Variants in TREH observed in about 807,000 individuals in gnomAD.
TREH encodes the protein alpha,alpha-trehalose glucohydrolase.
In TREH, 69 loss-of-function variants were observed where a neutral mutation model predicts 80.5. The ratio of observed to expected loss-of-function variants is 0.86; its 90% confidence interval spans 0.71 to 1.05. TREH has a LOEUF of 1.05. Ranked by LOEUF, TREH falls within the 50% of genes least tolerant of loss-of-function variation. The pLI is 0.00. For synonymous variants in TREH, 309 were observed against 293.5 expected (o/e 1.05, Z -0.54); for missense variants, 716 against 718.8 (o/e 1.00, Z 0.04).
At chr11:118,675,225 C>G (rs1949466697) in intron 1 of TREH, among the ~76,000 whole-genome samples, 1 of 152,130 alleles carries the variant, frequency 6.6e-6, no homozygotes. Flanking sequence ...TTTTCCCAAC[C>G]CATATGTTTC....
In TREH at chr11:118,661,084, C is replaced by T; in HGVS notation, c.857+76G>A. ...GAGGCCAGGCTAAGTCACTCCTCCT[C>T]CTGCCCGGGGCATTGTGATGCTCTA... On this transcript the variant is annotated intron_variant, in intron 8 of 14. Transcript: ENST00000264029. The surrounding 1 kb of genome is among the most constrained non-coding windows in gnomAD (Gnocchi z 4.2). 5.6e-6 allele frequency: 9 copies of T among 1,602,644 alleles called. No homozygotes were observed. The highest frequency in any genetic ancestry group is 4.5e-5 in the South Asian group (4 of 89,812).
In TREH at chr11:118,659,549, AC is replaced by A. The variant is rs1403942393; in HGVS notation, c.1321-69del. Reference sequence around the variant, plus strand: ...ACTGGGAGCCAGGACAGGACGCTGGACCCCGCGGGAAGCCAGACGTCCCCTT... The same window carrying A: ...ACTGGGAGCCAGGACAGGACGCTGGACCCGCGGGAAGCCAGACGTCCCCTT... On this transcript the variant is annotated intron_variant, in intron 11 of 14. Coordinates refer to ENST00000264029, the MANE Select transcript of TREH (RefSeq NM_007180.3). 2.8e-6 allele frequency: 4 copies of A among 1,430,298 alleles called. No individual in the cohort carries two copies. In the African/African-American group the frequency reaches 4.3e-5, roughly 15 times the overall value. The allele number at this position is 1,430,298 out of a possible 1,614,324, so 88.6% of individuals were successfully genotyped here.
At chr11:118,679,343 A>G (rs1326599568) in intron 1 of TREH, among the ~76,000 whole-genome samples, 196 bp downstream of exon 1, 2 of 151,814 alleles carry the variant, frequency 1.3e-5, no homozygotes, top group Admixed American at 1.3e-4. Context: ...CAACAACAAC[A>G]AAAAAAACGG....
rs1174222222 is a variant in TREH, at chr11:118,659,252, G to A, written c.1432+118C>T. Reference sequence around the variant, plus strand: ...TCAAGTGGAGGCCAGGAGAGCAGAGGAGCGAGAGAAAGGATACGGGGCCTC... The same window carrying A: ...TCAAGTGGAGGCCAGGAGAGCAGAGAAGCGAGAGAAAGGATACGGGGCCTC... On this transcript the variant is annotated intron_variant, in intron 12 of 14. Coordinates refer to ENST00000264029, the MANE Select transcript of TREH (RefSeq NM_007180.3). 153 of 914,774 alleles carry A rather than the reference G, an allele frequency of 1.7e-4. 1 individual carries two copies. Among genetic ancestry groups the A allele is most frequent in the Admixed American group, 2.0e-4 (7 of 34,724 alleles). The allele number at this position is 914,774 out of a possible 1,614,324, so 56.7% of individuals were successfully genotyped here.
At position 118,660,602 on chromosome 11, in the gene TREH, C is replaced by T; in HGVS notation, c.1039G>A (p.Val347Ile). ...SGIRTSKLVP[V>I]DLNAFLCQAE... The stretch of plus-strand genomic sequence containing the variant: ...TGGCATAGGAAGGCATTCAGGTCAA[C>T]AGGCACCAGTTTGCTTGTTCGGATG... Residue 347 changes from valine (V) to isoleucine (I), a missense_variant, in exon 10 of 15, where the codon GTT (valine) becomes ATT (isoleucine). Physicochemically the swap from Val to Ile is conservative, Grantham distance 29 (BLOSUM62 3). Transcript: ENST00000264029. 1 of 1,610,780 alleles carries T rather than the reference C, an allele frequency of 6.2e-7. No individual in the cohort carries two copies. The highest frequency in any genetic ancestry group is 1.1e-5 in the South Asian group (1 of 90,144).
intron 1 of TREH, among the ~76,000 whole-genome samples, chr11:118,672,065 G>A (rs1949434193): frequency 6.6e-6 from 1 of 152,200 alleles, no homozygotes; most frequent in South Asian, 2.1e-4. Flanking sequence ...ATACTGAAGA[G>A]TATACTTCGA....
At chr11:118,678,467 G>A (rs547091665) in intron 1 of TREH, among the ~76,000 whole-genome samples, 76 of 152,008 alleles carry the variant, frequency 5.0e-4, no homozygotes, top group South Asian at 3.6e-3. Context: ...AAGTTCAAGC[G>A]ACTCTCCTGC....
At chr11:118,678,194 C>T (rs1258298233) in intron 1 of TREH, among the ~76,000 whole-genome samples, 1 of 152,142 alleles carries the variant, frequency 6.6e-6, no homozygotes, top group African/African-American at 2.4e-5. Context: ...ACTGTCCTCT[C>T]CCAGATCAGC....
chr11:118,659,238 C>A, intron 12 of TREH, 132 bp downstream of exon 12: 1 of 871,878 alleles, frequency 1.1e-6, no homozygotes, highest in East Asian at 2.7e-5. Context: ...CAAGTGGAGG[C>A]CAGGAGAGCA....
intron 10 of TREH, 22 bp from the exon 11 acceptor site, chr11:118,659,986 AGCCAGCAGCCAGTGCCCT>A: frequency 6.5e-7 from 1 of 1,547,328 alleles, no homozygotes; most frequent in Non-Finnish European, 8.7e-7. Context: ...CTGCCTTTAG[AGCCAGCAGCCAGTGCCCT>A]GCCTGCTGCC....
At chr11:118,668,798 G>T (rs1250834626) in intron 1 of TREH, among the ~76,000 whole-genome samples, 1 of 151,904 alleles carries the variant, frequency 6.6e-6, no homozygotes, top group Non-Finnish European at 1.5e-5. Flanking sequence ...AAATTAGCCA[G>T]GCGTGGTGGT....
intron 13 of TREH, 69 bp from the exon 14 acceptor site, chr11:118,658,802 G>A (rs1949262025): frequency 6.2e-7 from 1 of 1,611,264 alleles, no homozygotes; most frequent in African/African-American, 1.3e-5. Flanking sequence ...AACAACCAGA[G>A]CCCCTGGGGA....
chr11:118,663,773 C>T (rs1404526766), intron 1 of TREH, among the ~76,000 whole-genome samples: 3 of 152,078 alleles, frequency 2.0e-5, no homozygotes, highest in Non-Finnish European at 4.4e-5. Context: ...TGTACAATGG[C>T]CCTGTGTAGA....
rs1555145077 is a variant in TREH, at chr11:118,661,889, C to T, written c.524+1G>A. On this transcript the variant is annotated splice_donor_variant, in intron 5 of 14. Coordinates refer to ENST00000264029, the MANE Select transcript of TREH (RefSeq NM_007180.3). LOFTEE classifies it high-confidence loss of function. This position sits in a 1 kb window ranked among gnomAD's most constrained non-coding sequence, Gnocchi z 4.2. ...TTGGTCTCTTGGGCCTGGGCGCTCACCAGTAGTAGAACTCAACAAAGCGAC... is the reference window on the plus strand; with the variant it reads ...TTGGTCTCTTGGGCCTGGGCGCTCATCAGTAGTAGAACTCAACAAAGCGAC... The T allele has an allele frequency of 5.8e-6, 9 of 1,558,768 alleles. No homozygotes were observed. Among genetic ancestry groups the T allele is most frequent in the Non-Finnish European group, 7.8e-6 (9 of 1,151,164 alleles).
At position 118,679,645 on chromosome 11, in the gene TREH, C is replaced by T. The variant is rs1392215819; in HGVS notation, c.-18G>A. On this transcript the variant is annotated 5_prime_UTR_variant, in exon 1 of 15. Transcript: ENST00000264029. The stretch of plus-strand genomic sequence containing the variant: ...CCTGGCATGGTGGCTGTGACTGTGA[C>T]TGAATGAGCAAGCCCAGGCACCTTC... The T allele has an allele frequency of 1.4e-6, 2 of 1,473,830 alleles. No homozygotes were observed. Among genetic ancestry groups the T allele is most frequent in the East Asian group, 5.1e-5 (2 of 39,304 alleles). The allele number at this position is 1,473,830 out of a possible 1,614,324, so 91.3% of individuals were successfully genotyped here.
In TREH at chr11:118,668,998, T is replaced by G. The variant is rs79098883; in HGVS notation, c.90-5559A>C. Among the ~76,000 whole-genome samples, 83 of 152,010 alleles carry G rather than the reference T, an allele frequency of 5.5e-4. No homozygotes were observed. The East Asian group carries it at 0.016, about 29-fold the overall frequency. On this transcript the variant is annotated intron_variant, in intron 1 of 14. Transcript: ENST00000264029. ...TCCAATTAAATATGGGCAAAAGAACTGAATAGACATTACTCAAAAGCAGAC... is the reference window on the plus strand; with the variant it reads ...TCCAATTAAATATGGGCAAAAGAACGGAATAGACATTACTCAAAAGCAGAC...
chr11:118,659,637 TG>T, intron 11 of TREH, 109 bp downstream of exon 11: 1 of 1,412,054 alleles, frequency 7.1e-7, no homozygotes, highest in Non-Finnish European at 9.6e-7. Flanking sequence ...ACCCGCAGGC[TG>T]GGACAAGGGG....
intron 1 of TREH, among the ~76,000 whole-genome samples, chr11:118,665,625 G>A (rs1229694385): frequency 6.6e-6 from 1 of 152,168 alleles, no homozygotes; most frequent in East Asian, 1.9e-4. Context: ...GGGCAACAGA[G>A]CGAGACTCCG....
intron 12 of TREH, 137 bp downstream of exon 12, chr11:118,659,233 G>A: frequency 1.2e-6 from 1 of 851,656 alleles, no homozygotes; most frequent in Non-Finnish European, 1.8e-6. Flanking sequence ...AGTGTCAAGT[G>A]GAGGCCAGGA....
Sources: gnomAD v4.1 joint callset for allele counts (sites outside exome capture counted in the v4.1 genomes callset) on GRCh38, gnomAD v4.1.1 for gene constraint, Gnocchi (gnomAD v3.1) non-coding constraint, MANE v1.5 for transcripts, NCBI Gene and HGNC (gene_info 2026-07-23, HGNC 2026-07-21) for gene names.